Variants in PRICKLE2 observed in about 807,000 individuals in gnomAD.
PRICKLE2 encodes the protein prickle planar cell polarity protein 2.
PRICKLE2 carries 21 observed loss-of-function variants against 81.4 expected under a neutral mutation model. The observed-to-expected ratio is 0.26, with a 90% CI of 0.18 to 0.37. The LOEUF (loss-of-function observed/expected upper bound fraction) is 0.37, where lower values mean the gene tolerates loss of function less well. Ranked by LOEUF, PRICKLE2 falls within the 10% of genes least tolerant of loss-of-function variation. The probability of loss-of-function intolerance (pLI) is 1.00; values close to 1 mark genes in which losing one functional copy is unlikely to be tolerated. For missense variants in PRICKLE2, 940 were observed against 1,109.0 expected (o/e 0.85, Z 2.16); for synonymous variants, 456 against 421.5 (o/e 1.08, Z -1.00).
chr3:64,233,678 T>G (rs1198220785), intron 2 of PRICKLE2, among the ~76,000 whole-genome samples: 1 of 152,216 alleles, frequency 6.6e-6, no homozygotes, highest in Non-Finnish European at 1.5e-5. Context: ...TCTCCTTAGA[T>G]CCTTTTAAGA....
At chr3:64,228,791 A>AACTGTC (rs1202099765), upstream of PRICKLE2, among the ~76,000 whole-genome samples, 2 of 152,196 alleles carry the variant, frequency 1.3e-5, no homozygotes, top group Non-Finnish European at 2.9e-5. Context: ...ACAAGGATGC[A>AACTGTC]ACTGTCGACC....
At chr3:64,224,800 G>A (rs550312712) in intron 1 of PRICKLE2, 110 bp downstream of exon 1, 6 of 591,402 alleles carry the variant, frequency 1.0e-5, no homozygotes, top group African/African-American at 6.0e-5. Flanking sequence ...CCAAGAAAAC[G>A]AAGACCCAAT....
At chr3:64,132,806 A>G (rs1201178075) in intron 7 of PRICKLE2, among the ~76,000 whole-genome samples, 1 of 152,232 alleles carries the variant, frequency 6.6e-6, no homozygotes, top group Non-Finnish European at 1.5e-5. Flanking sequence ...AACCCAGTAC[A>G]TTAGAGATAT....
rs2076593530 is a variant in PRICKLE2, at chr3:64,097,859, C to T, written c.*1192G>A. The T allele has an allele frequency of 6.5e-6, 1 of 152,772 alleles. No homozygotes were observed. Among genetic ancestry groups the T allele is most frequent in the Admixed American group, 6.5e-5 (1 of 15,286 alleles). The allele number at this position is 152,772 out of a possible 1,614,324, so 9.5% of individuals were successfully genotyped here. ...GACCTGCCTTCAGATTCTCCTTTAA[C>T]TTCTACCCTTGACCTGCCTTCTGTT... On this transcript the variant is annotated 3_prime_UTR_variant, in exon 8 of 8. Transcript: ENST00000638394.
At chr3:64,229,100 G>A (rs377262543), upstream of PRICKLE2, among the ~76,000 whole-genome samples, 9 of 152,246 alleles carry the variant, frequency 5.9e-5, no homozygotes, top group African/African-American at 1.7e-4. Flanking sequence ...AGGTGTTCCA[G>A]GCAGGAATAA....
chr3:64,136,439 A>G (rs1432937174), intron 7 of PRICKLE2, among the ~76,000 whole-genome samples: 1 of 149,514 alleles, frequency 6.7e-6, no homozygotes, highest in African/African-American at 2.5e-5. Flanking sequence ...GTGGCCCAAG[A>G]ATTTGCACAA....
In PRICKLE2 at chr3:64,153,258, C is replaced by T; in HGVS notation, c.711G>A (p.Lys237=). Reference sequence around the variant, plus strand: ...AGTGGCAACAGTAGGGTCTTCCCTCCTTCATGATGTAGCGCTGGCCGCCCA... The same window carrying T: ...AGTGGCAACAGTAGGGTCTTCCCTCTTTCATGATGTAGCGCTGGCCGCCCA... ...TVLGGQRYIM[K]EGRPYCCHCF... Residue 237 remains lysine (K), a synonymous_variant, in exon 6 of 8, where the codon AAG becomes AAA. Transcript: ENST00000638394. 6.2e-7 allele frequency: 1 copy of T among 1,614,202 alleles called. No homozygotes were observed. Among genetic ancestry groups the T allele is most frequent in the Non-Finnish European group, 8.5e-7 (1 of 1,180,026 alleles).
rs773011451 is a variant in PRICKLE2, at chr3:64,138,190, C to A, written c.1660+8640G>T. Among the ~76,000 whole-genome samples the A allele has an allele frequency of 4.0e-5, 6 of 151,744 alleles. No homozygotes were observed. In the South Asian group the frequency reaches 8.3e-4, roughly 21 times the overall value. On this transcript the variant is annotated intron_variant, in intron 7 of 7. Transcript: ENST00000638394. ...ATCCCTCTTCCTTTGAAAACATGAC[C>A]TTGATTTCCCTTTGAACATTCTTCC...
Position 64,225,367 on chromosome 3 carries a change from G to T in PRICKLE2, c.-498C>A, listed in dbSNP as rs2079017010. On this transcript the variant is annotated 5_prime_UTR_variant, in exon 1 of 8. It adds an upstream start codon to the 5' untranslated region. Coordinates refer to ENST00000638394, the MANE Select transcript of PRICKLE2 (RefSeq NM_198859.4). ...CGGGGTGACTAGTCAGCTGCTCACA[G>T]AGCTCAAGCCACTGAACCAGGAAAT... 2.0e-6 allele frequency: 2 copies of T among 985,158 alleles called. No individual in the cohort carries two copies. Among genetic ancestry groups the T allele is most frequent in the African/African-American group, 1.7e-5 (1 of 57,164 alleles). 61.0% of individuals were successfully genotyped at this position (985,158 alleles called of 1,614,324 possible).
chr3:64,239,777 T>G (rs1479971981), intron 2 of PRICKLE2, among the ~76,000 whole-genome samples: 1 of 151,934 alleles, frequency 6.6e-6, no homozygotes, highest in Non-Finnish European at 1.5e-5. Context: ...CCGTCTAATT[T>G]CTGAATCGAT....
intron 2 of PRICKLE2, among the ~76,000 whole-genome samples, chr3:64,239,952 C>CAAAAAAA (rs57932723): frequency 9.3e-5 from 3 of 32,236 alleles, no homozygotes; most frequent in African/African-American, 2.3e-4. Context: ...CCATCGCTAC[C>CAAAAAAA]AAAAAAAAAA....
At chr3:64,185,103 T>G (rs536314186) in intron 2 of PRICKLE2, among the ~76,000 whole-genome samples, 1 of 152,332 alleles carries the variant, frequency 6.6e-6, no homozygotes, top group South Asian at 2.1e-4. Flanking sequence ...ATATTGTCCT[T>G]GGGAACATAC....
At chr3:64,116,288 C>T (rs2076933177) in intron 7 of PRICKLE2, among the ~76,000 whole-genome samples, 1 of 151,864 alleles carries the variant, frequency 6.6e-6, no homozygotes. Context: ...ACTAAAAGAA[C>T]TAGAGAATCA....
chr3:64,107,636 G>A (rs563796964), intron 7 of PRICKLE2, among the ~76,000 whole-genome samples: 2 of 152,212 alleles, frequency 1.3e-5, no homozygotes, highest in East Asian at 1.9e-4. Flanking sequence ...GAGCCCAGGA[G>A]TATGAGACCA....
At chr3:64,106,207 C>A (rs2076753004) in intron 7 of PRICKLE2, among the ~76,000 whole-genome samples, 1 of 152,192 alleles carries the variant, frequency 6.6e-6, no homozygotes, top group South Asian at 2.1e-4. Flanking sequence ...TCAGTAGGGT[C>A]TTTCCTATAT....
At chr3:64,179,874 T>A (rs1412335350) in intron 2 of PRICKLE2, among the ~76,000 whole-genome samples, 1 of 152,296 alleles carries the variant, frequency 6.6e-6, no homozygotes, top group Non-Finnish European at 1.5e-5. Flanking sequence ...ACTTCAAAGC[T>A]CATTCTCTAT....
At chr3:64,102,619 T>C (rs1377212732) in intron 7 of PRICKLE2, 2 of 152,174 alleles carry the variant, frequency 1.3e-5, no homozygotes, top group Admixed American at 6.5e-5. Flanking sequence ...GTAGTAATAA[T>C]AGAAATAAAG....
At chr3:64,221,587 G>C (rs2078955208) in intron 1 of PRICKLE2, among the ~76,000 whole-genome samples, 1 of 152,112 alleles carries the variant, frequency 6.6e-6, no homozygotes, top group East Asian at 1.9e-4. Context: ...TCATCCTCAA[G>C]CTTCTTAGTT....
chr3:64,150,121 A>G (rs530406147), intron 6 of PRICKLE2, among the ~76,000 whole-genome samples: 1 of 152,134 alleles, frequency 6.6e-6, no homozygotes, highest in East Asian at 1.9e-4. Flanking sequence ...CTTGGGAGAA[A>G]GCTGAGGCAG....
Sources: gnomAD v4.1 joint callset for allele counts (sites outside exome capture counted in the v4.1 genomes callset) on GRCh38, gnomAD v4.1.1 for gene constraint, MANE v1.5 for transcripts, NCBI Gene and HGNC (gene_info 2026-07-23, HGNC 2026-07-21) for gene names.